LRMDA: variants seen among roughly 807,000 people sequenced by gnomAD.
LRMDA encodes leucine-rich melanocyte differentiation-associated protein.
Under a neutral mutation model 29.8 loss-of-function variants are expected in LRMDA, and 18 were observed. The observed-to-expected ratio is 0.60, with a 90% confidence interval of 0.42 to 0.90. The LOEUF (loss-of-function observed/expected upper bound fraction) is 0.90, where lower values mean the gene tolerates loss of function less well. LRMDA is among the 40% of genes least tolerant of loss of function. The pLI is 0.00. For synonymous variants in LRMDA, 125 were observed against 109.4 expected (o/e 1.14, Z -0.89); for missense variants, 273 against 273.9 (o/e 1.00, Z 0.02).
At chr10:76,081,329 C>A (rs1849045856) in intron 5 of LRMDA, among the ~76,000 whole-genome samples, 1 of 151,984 alleles carries the variant, frequency 6.6e-6, no homozygotes, top group South Asian at 2.1e-4. Context: ...CAAAAATTAG[C>A]CGGGTGTGGT....
chr10:75,906,191 T>C (rs991161979), intron 2 of LRMDA, among the ~76,000 whole-genome samples: 7 of 152,214 alleles, frequency 4.6e-5, no homozygotes, highest in Non-Finnish European at 7.3e-5. Context: ...AAATTGCTCA[T>C]ACTTCATGTG....
chr10:75,677,400 G>A (rs1191097145), intron 2 of LRMDA, among the ~76,000 whole-genome samples: 1 of 151,852 alleles, frequency 6.6e-6, no homozygotes, highest in Admixed American at 6.6e-5. Flanking sequence ...CAGTCAAAAG[G>A]CACACACAGA....
chr10:75,991,291 A>G (rs370951298), intron 2 of LRMDA, among the ~76,000 whole-genome samples: 2 of 152,330 alleles, frequency 1.3e-5, no homozygotes, highest in African/African-American at 4.8e-5. Context: ...GGACATTTTA[A>G]AAAATACGGT....
chr10:76,180,277 CTTTTTTTT>C (rs34563574), intron 5 of LRMDA, among the ~76,000 whole-genome samples: 112 of 89,860 alleles, frequency 1.2e-3, no homozygotes, highest in Non-Finnish European at 1.9e-3. Context: ...TTGGAAAAAA[CTTTTTTTT>C]TTTTTTTTTT....
intron 2 of LRMDA, among the ~76,000 whole-genome samples, chr10:75,641,643 T>TTGCCTACGCTGGTC (rs1306635147): frequency 1.3e-4 from 20 of 152,084 alleles, no homozygotes; most frequent in Non-Finnish European, 2.6e-4. Context: ...TTTTGTCATG[T>TTGCCTACGCTGGTC]TGCCTACGCT....
At chr10:75,462,103 G>A (rs879629456) in intron 2 of LRMDA, among the ~76,000 whole-genome samples, 44 of 152,202 alleles carry the variant, frequency 2.9e-4, no homozygotes, top group Non-Finnish European at 4.6e-4. Flanking sequence ...GATGAAAAGC[G>A]AACAAAGAAG....
In LRMDA at chr10:76,549,733, AG is replaced by A. The variant is rs1342054753; in HGVS notation, c.602-7474del. ...TAGAAATAATCAACCTGGGAAAAAAAGGACAGCAACTAATCCTGCACGTAAT... is the reference window on the plus strand; with the variant it reads ...TAGAAATAATCAACCTGGGAAAAAAAGACAGCAACTAATCCTGCACGTAAT... On this transcript the variant is annotated intron_variant, in intron 6 of 6. Transcript: ENST00000611255. 5.3e-5 allele frequency among the ~76,000 whole-genome samples: 8 copies of A among 152,358 alleles called. No homozygotes were observed. The South Asian group carries it at 1.0e-3, about 20-fold the overall frequency.
intron 5 of LRMDA, among the ~76,000 whole-genome samples, chr10:76,281,151 G>A (rs747997863): frequency 6.6e-6 from 1 of 152,184 alleles, no homozygotes; most frequent in Non-Finnish European, 1.5e-5. Flanking sequence ...GTAGAAGGAA[G>A]TGTCTTGCTG....
chr10:76,085,495 T>TCGCC, intron 5 of LRMDA, among the ~76,000 whole-genome samples: 1 of 152,272 alleles, frequency 6.6e-6, no homozygotes, highest in South Asian at 2.1e-4. Flanking sequence ...TCAAGTCTGC[T>TCGCC]CGCCCCACAC....
chr10:75,807,096 A>G (rs956699371), intron 2 of LRMDA, among the ~76,000 whole-genome samples: 9 of 152,030 alleles, frequency 5.9e-5, no homozygotes, highest in African/African-American at 2.2e-4. Flanking sequence ...GAGTGTGCAG[A>G]ATATGTTCTC....
intron 2 of LRMDA, among the ~76,000 whole-genome samples, chr10:76,016,541 A>G (rs1241319283): frequency 2.6e-5 from 4 of 152,206 alleles, no homozygotes; most frequent in African/African-American, 9.7e-5. Context: ...GATCTTCTGT[A>G]ACATCCTGAT....
At chr10:75,934,815 G>A (rs1487433009) in intron 2 of LRMDA, among the ~76,000 whole-genome samples, 3 of 152,242 alleles carry the variant, frequency 2.0e-5, no homozygotes, top group African/African-American at 2.4e-5. Context: ...AAGAAATTGG[G>A]TTGCTCCCTT....
At chr10:76,401,459 A>C (rs1841848082) in intron 6 of LRMDA, among the ~76,000 whole-genome samples, 1 of 152,064 alleles carries the variant, frequency 6.6e-6, no homozygotes, top group South Asian at 2.1e-4. Flanking sequence ...TGAGACTCTT[A>C]ATCATTTTAT....
intron 5 of LRMDA, among the ~76,000 whole-genome samples, chr10:76,084,915 C>T (rs755390790): frequency 6.6e-6 from 1 of 152,160 alleles, no homozygotes; most frequent in Non-Finnish European, 1.5e-5. Flanking sequence ...ATCTTCATTA[C>T]ACTGGACCAA....
intron 2 of LRMDA, among the ~76,000 whole-genome samples, chr10:75,442,479 C>A (rs1412146756): frequency 6.6e-6 from 1 of 152,136 alleles, no homozygotes; most frequent in Admixed American, 6.6e-5. Context: ...ATATGGATAT[C>A]CAGTTTTTCT....
At chr10:75,840,361 A>G (rs1025120609) in intron 2 of LRMDA, among the ~76,000 whole-genome samples, 2 of 152,222 alleles carry the variant, frequency 1.3e-5, no homozygotes, top group Admixed American at 6.5e-5. Flanking sequence ...AAGTAAAAGC[A>G]TTTTGTGAAC....
chr10:76,320,675 A>G (rs1477546334), intron 5 of LRMDA, among the ~76,000 whole-genome samples: 1 of 152,228 alleles, frequency 6.6e-6, no homozygotes, highest in Non-Finnish European at 1.5e-5. Flanking sequence ...TTTAAAAATA[A>G]TGAACACATG....
intron 6 of LRMDA, among the ~76,000 whole-genome samples, chr10:76,429,877 T>C (rs2132282001): frequency 6.6e-6 from 1 of 152,264 alleles, no homozygotes; most frequent in Middle Eastern, 3.4e-3. Context: ...CTCTCCTCTC[T>C]GCGTTGAGAG....
At chr10:75,642,327 T>C (rs1394383212) in intron 2 of LRMDA, 1 of 152,216 alleles carries the variant, frequency 6.6e-6, no homozygotes, top group East Asian at 1.9e-4. Flanking sequence ...CTGACTTCAA[T>C]GTCCAGAGGA....
Sources: allele counts gnomAD v4.1 joint callset (sites outside exome capture counted in the v4.1 genomes callset), GRCh38; gene constraint gnomAD v4.1.1; transcripts MANE v1.5; gene names NCBI Gene and HGNC (gene_info 2026-07-23, HGNC 2026-07-21).